DAB1: variants seen among roughly 807,000 people sequenced by gnomAD.
The protein encoded by DAB1 is DAB adaptor protein 1.
A neutral mutation model predicts 64.6 loss-of-function variants in DAB1; 15 were observed. The ratio of observed to expected loss-of-function variants is 0.23; its 90% CI spans 0.16 to 0.36. The LOEUF (loss-of-function observed/expected upper bound fraction) is 0.36, where lower values mean the gene tolerates loss of function less well. DAB1 is among the 10% of genes least tolerant of loss of function. The pLI is 1.00. For missense variants in DAB1, 596 were observed against 706.7 expected (o/e 0.84, Z 1.78); for synonymous variants, 235 against 251.9 (o/e 0.93, Z 0.64).
intron 4 of DAB1, among the ~76,000 whole-genome samples, chr1:58,285,303 G>A (rs896619666): frequency 6.6e-6 from 1 of 152,184 alleles, no homozygotes; most frequent in African/African-American, 2.4e-5. Context: ...GTTCTGGCCA[G>A]AGCAATTGGG....
At chr1:57,515,686 A>G (rs1369645783) in intron 7 of DAB1, among the ~76,000 whole-genome samples, 1 of 152,224 alleles carries the variant, frequency 6.6e-6, no homozygotes, top group African/African-American at 2.4e-5. Flanking sequence ...AGGGGTTTCC[A>G]GTTACCATTC....
At chr1:58,134,427 C>T (rs2100702096) in intron 5 of DAB1, among the ~76,000 whole-genome samples, 1 of 152,174 alleles carries the variant, frequency 6.6e-6, no homozygotes, top group African/African-American at 2.4e-5. Context: ...TTAATAACAT[C>T]ACCTTGGGGT....
In DAB1 at chr1:57,137,089, T is replaced by C. The variant is rs143455385; in HGVS notation, c.208-448A>G. 6.6e-3 allele frequency among the ~76,000 whole-genome samples: 1,003 copies of C among 152,282 alleles called. 9 individuals are homozygous for C. The highest frequency in any genetic ancestry group is 0.022 in the African/African-American group (933 of 41,560). Reference sequence around the variant, plus strand: ...TGGAAAAAGTTTTCATATGAATCAATTTTAGATAATAGAAAATAAAAACAA... The same window carrying C: ...TGGAAAAAGTTTTCATATGAATCAACTTTAGATAATAGAAAATAAAAACAA... On this transcript the variant is annotated intron_variant, in intron 3 of 14. Transcript: ENST00000371236.
intron 7 of DAB1, among the ~76,000 whole-genome samples, chr1:57,476,811 G>T (rs79603250): frequency 1.3e-5 from 2 of 152,152 alleles, no homozygotes. Flanking sequence ...GGCTCAGCCT[G>T]GGGGGTGTTA....
chr1:57,488,290 T>C (rs1644117493), intron 7 of DAB1, among the ~76,000 whole-genome samples: 1 of 149,458 alleles, frequency 6.7e-6, no homozygotes, highest in Non-Finnish European at 1.5e-5. Flanking sequence ...TAGTCCCAGG[T>C]ACTCAGGAGG....
At chr1:57,635,672 C>T (rs1646043809) in intron 7 of DAB1, among the ~76,000 whole-genome samples, 1 of 152,110 alleles carries the variant, frequency 6.6e-6, no homozygotes, top group Non-Finnish European at 1.5e-5. Context: ...AAATAAATTA[C>T]ACAATAATTG....
At chr1:58,355,737 T>C (rs1006556650) in intron 3 of DAB1, among the ~76,000 whole-genome samples, 3 of 152,140 alleles carry the variant, frequency 2.0e-5, no homozygotes, top group African/African-American at 7.2e-5. Flanking sequence ...GATAAACATC[T>C]CTTATCTCAG....
chr1:58,024,367 T>G (rs1646858132), intron 5 of DAB1, among the ~76,000 whole-genome samples: 2 of 152,188 alleles, frequency 1.3e-5, no homozygotes, highest in Admixed American at 6.5e-5. Context: ...CTTTGCAGCT[T>G]GAACAACCCA....
chr1:57,573,370 G>T (rs768577408), intron 7 of DAB1, among the ~76,000 whole-genome samples: 4 of 152,168 alleles, frequency 2.6e-5, no homozygotes, highest in Non-Finnish European at 5.9e-5. Context: ...GGGATTACAG[G>T]CATGAGCCAC....
chr1:57,328,072 G>A (rs1676328220), intron 1 of DAB1, among the ~76,000 whole-genome samples: 2 of 152,152 alleles, frequency 1.3e-5, no homozygotes, highest in South Asian at 4.1e-4. Context: ...GCCTTACCAG[G>A]TTGTTTGCTA....
At chr1:58,249,087 A>G (rs1660682136) in intron 4 of DAB1, among the ~76,000 whole-genome samples, 1 of 152,070 alleles carries the variant, frequency 6.6e-6, no homozygotes, top group Non-Finnish European at 1.5e-5. Context: ...AAGCAAGGGG[A>G]CACACCTTTT....
chr1:58,518,503 T>C (rs899954281), intron 2 of DAB1, among the ~76,000 whole-genome samples: 4 of 151,930 alleles, frequency 2.6e-5, no homozygotes, highest in Non-Finnish European at 5.9e-5. Context: ...ATCATGAGCC[T>C]GCTACAGAAG....
At chr1:57,326,922 C>T (rs1463011065) in intron 1 of DAB1, among the ~76,000 whole-genome samples, 7 of 143,174 alleles carry the variant, frequency 4.9e-5, no homozygotes, top group Non-Finnish European at 9.1e-5. Flanking sequence ...TTTTCATACA[C>T]AGAGCACTAT....
intron 2 of DAB1, among the ~76,000 whole-genome samples, chr1:57,263,440 G>C (rs1403134399): frequency 6.6e-6 from 1 of 152,140 alleles, no homozygotes; most frequent in African/African-American, 2.4e-5. Context: ...CTTTTTTACT[G>C]AGTTGTTGTG....
chr1:58,393,108 T>G (rs1209290707), intron 3 of DAB1, among the ~76,000 whole-genome samples: 2 of 150,928 alleles, frequency 1.3e-5, no homozygotes, highest in Non-Finnish European at 2.9e-5. Flanking sequence ...ACCATGCTAT[T>G]TACTTCCAAA....
chr1:57,073,870 A>C (rs961897396), intron 4 of DAB1, among the ~76,000 whole-genome samples: 5 of 152,200 alleles, frequency 3.3e-5, no homozygotes, highest in African/African-American at 1.2e-4. Flanking sequence ...GAAAATGCCA[A>C]GTTTATTTGG....
At chr1:58,473,557 T>A (rs558656763) in intron 3 of DAB1, among the ~76,000 whole-genome samples, 2,439 of 111,228 alleles carry the variant, frequency 0.022, 87 homozygotes, top group African/African-American at 0.071. Context: ...AATAAATAAA[T>A]AAATAAATAA....
At chr1:57,537,137 C>T (rs1361393013) in intron 7 of DAB1, among the ~76,000 whole-genome samples, 1 of 152,148 alleles carries the variant, frequency 6.6e-6, no homozygotes, top group African/African-American at 2.4e-5. Flanking sequence ...ATTAACTTTA[C>T]TTGTTTCTTT....
At chr1:58,434,789 T>G (rs1256191352) in intron 3 of DAB1, among the ~76,000 whole-genome samples, 1 of 152,170 alleles carries the variant, frequency 6.6e-6, no homozygotes, top group Admixed American at 6.5e-5. Context: ...TTAAACAAAG[T>G]GCATCCCCTG....
Sources: gnomAD v4.1 joint callset for allele counts (sites outside exome capture counted in the v4.1 genomes callset) on GRCh38, gnomAD v4.1.1 for gene constraint, MANE v1.5 for transcripts, NCBI Gene and HGNC (gene_info 2026-07-23, HGNC 2026-07-21) for gene names.